The following PAQR3 variants were observed in gnomAD, a reference collection of about 807,000 sequenced individuals.
PAQR3 encodes progestin and adipoQ receptor family member 3.
PAQR3 carries 39 observed loss-of-function variants against 41.7 expected under a neutral mutation model. The observed-to-expected ratio is 0.93, with a 90% confidence interval of 0.72 to 1.22. The LOEUF (loss-of-function observed/expected upper bound fraction) is 1.22. PAQR3 is among the 50% of genes most tolerant of loss of function. The pLI is 0.00. For missense variants in PAQR3, 366 were observed against 385.6 expected (o/e 0.95, Z 0.42); for synonymous variants, 140 against 140.6 (o/e 1.00, Z 0.03).
At chr4:78,888,370 T>A (rs1399855450) in intron 11 of PAQR3, among the ~76,000 whole-genome samples, 4 of 152,214 alleles carry the variant, frequency 2.6e-5, no homozygotes, top group African/African-American at 7.2e-5. Context: ...GGTAATGGAA[T>A]TATTACTGTC....
rs1735447293 is a variant in PAQR3, at chr4:78,919,528, G to A, written c.*1011C>T. The A allele has an allele frequency of 1.0e-6, 1 of 985,042 alleles. No individual in the cohort carries two copies. The highest frequency in any genetic ancestry group is 1.7e-5 in the African/African-American group (1 of 57,180). 61.0% of individuals were successfully genotyped at this position (985,042 alleles called of 1,614,324 possible). On this transcript the variant is annotated 3_prime_UTR_variant, in exon 6 of 6. Coordinates refer to ENST00000512733, the MANE Select transcript of PAQR3 (RefSeq NM_001040202.2). Reference sequence around the variant, plus strand: ...ACACATGCAGAAACCGAGGACCAGAGCACAGGTGAATAAGATTATTATCAA... The same window carrying A: ...ACACATGCAGAAACCGAGGACCAGAACACAGGTGAATAAGATTATTATCAA...
intron 2 of PAQR3, 185 bp from the exon 3 acceptor site, chr4:78,930,510 G>A (rs182967574): frequency 2.3e-6 from 1 of 427,050 alleles, no homozygotes; most frequent in Non-Finnish European, 4.0e-6. Context: ...GTAGAGCCAT[G>A]AGGGAAAGCC....
Position 78,903,639 on chromosome 4 carries a change from T to C in PAQR3, c.*836+2469A>G, listed in dbSNP as rs568383045. Reference sequence around the variant, plus strand: ...TGGATTTTGTAAAGTTGAGTATTCTTTTGTTTGTTGATAAAGCCTTATAGT... The same window carrying C: ...TGGATTTTGTAAAGTTGAGTATTCTCTTGTTTGTTGATAAAGCCTTATAGT... On this transcript the variant is annotated intron_variant and NMD_transcript_variant, in intron 11 of 12. Transcript: ENST00000342820. Among the ~76,000 whole-genome samples, 13 of 152,106 alleles carry C rather than the reference T, an allele frequency of 8.5e-5. No individual in the cohort carries two copies. In the East Asian group the frequency reaches 2.5e-3, roughly 29 times the overall value.
At chr4:78,901,263 G>A (rs966194684) in intron 11 of PAQR3, among the ~76,000 whole-genome samples, 2 of 145,672 alleles carry the variant, frequency 1.4e-5, no homozygotes, top group African/African-American at 5.4e-5. Flanking sequence ...GTCTTACTAT[G>A]TTGCCTAGGC....
In PAQR3 at chr4:78,912,809, A is replaced by T. The variant is rs993076396; in HGVS notation, c.*7730T>A. ...TCGTCGCACAGAAGCCTAGAACAAA[A>T]ATATGAAGAGAAATATCTGACATTT... On this transcript the variant is annotated 3_prime_UTR_variant, in exon 6 of 6. Transcript: ENST00000512733. 7 of 152,192 alleles carry T rather than the reference A, an allele frequency of 4.6e-5. No homozygotes were observed. Among genetic ancestry groups the T allele is most frequent in the Non-Finnish European group, 7.4e-5 (5 of 68,022 alleles). 9.4% of individuals were successfully genotyped at this position (152,192 alleles called of 1,614,324 possible). A position where few individuals can be genotyped will look rare whatever the true frequency, so the allele number is the denominator to read the frequency against.
In PAQR3 at chr4:78,919,088, C is replaced by A. The variant is rs1301681226; in HGVS notation, c.*1451G>T. ...GAATTTATATTCCAAAAACACTACACTGGAAAAGAAACACAACATTTTACT... is the reference window on the plus strand; with the variant it reads ...GAATTTATATTCCAAAAACACTACAATGGAAAAGAAACACAACATTTTACT... On this transcript the variant is annotated 3_prime_UTR_variant, in exon 6 of 6. Coordinates refer to ENST00000512733, the MANE Select transcript of PAQR3 (RefSeq NM_001040202.2). The A allele has an allele frequency of 3.0e-6, 3 of 984,860 alleles. No homozygotes were observed. The highest frequency in any genetic ancestry group is 9.4e-5 in the South Asian group (2 of 21,280). 61.0% of individuals were successfully genotyped at this position (984,860 alleles called of 1,614,324 possible). A position where few individuals can be genotyped will look rare whatever the true frequency, so the allele number is the denominator to read the frequency against.
At chr4:78,909,881 A>C (rs1734490960), downstream of PAQR3, among the ~76,000 whole-genome samples, 1 of 152,226 alleles carries the variant, frequency 6.6e-6, no homozygotes, top group Admixed American at 6.5e-5. Flanking sequence ...TCTTTCGTTG[A>C]ATGAACTCAG....
chr4:78,897,667 A>C (rs986178339), intron 11 of PAQR3, among the ~76,000 whole-genome samples: 1 of 152,148 alleles, frequency 6.6e-6, no homozygotes, highest in Non-Finnish European at 1.5e-5. Flanking sequence ...TTATAGCGCT[A>C]AGTATCCTAC....
In PAQR3 at chr4:78,919,334, T is replaced by C; in HGVS notation, c.*1205A>G. The stretch of plus-strand genomic sequence containing the variant: ...AATGTAAGTTTTTATGAATGTCTAC[T>C]TTAAGGGATTTAACTAATGCATATG... On this transcript the variant is annotated 3_prime_UTR_variant, in exon 6 of 6. Transcript: ENST00000512733. 1 of 983,296 alleles carries C rather than the reference T, an allele frequency of 1.0e-6. No homozygotes were observed. Among genetic ancestry groups the C allele is most frequent in the Non-Finnish European group, 1.2e-6 (1 of 828,108 alleles). 60.9% of individuals were successfully genotyped at this position (983,296 alleles called of 1,614,324 possible). A position where few individuals can be genotyped will look rare whatever the true frequency, so the allele number is the denominator to read the frequency against.
At chr4:78,910,755 G>A (rs367680861), downstream of PAQR3, 22 of 1,613,772 alleles carry the variant, frequency 1.4e-5, no homozygotes, top group African/African-American at 2.7e-4. Context: ...TGCAAAAGGG[G>A]AATGATGAAT....
At chr4:78,898,342 G>T (rs186344079) in intron 11 of PAQR3, among the ~76,000 whole-genome samples, 3 of 151,932 alleles carry the variant, frequency 2.0e-5, no homozygotes, top group African/African-American at 7.2e-5. Context: ...TCCACTGCTG[G>T]GCCATTTTAT....
intron 2 of PAQR3, among the ~76,000 whole-genome samples, chr4:78,931,203 AAAAAAAAAAT>A (rs1238403426): frequency 6.7e-6 from 1 of 150,238 alleles, no homozygotes; most frequent in African/African-American, 2.4e-5. Flanking sequence ...AAAAAAAAAA[AAAAAAAAAAT>A]TGGGCATGGC....
intron 5 of PAQR3, chr4:78,922,119 G>A (rs1735715027): frequency 1.9e-6 from 2 of 1,033,482 alleles, no homozygotes; most frequent in East Asian, 7.7e-5. Flanking sequence ...TATTAATAAA[G>A]TGATACAAAA....
chr4:78,918,834 G>C lies in PAQR3; in HGVS notation c.*1705C>G, dbSNP rs575489059. 1.0e-6 allele frequency: 1 copy of C among 984,226 alleles called. No homozygotes were observed. The highest frequency in any genetic ancestry group is 1.1e-4 in the East Asian group (1 of 8,808). 61.0% of individuals were successfully genotyped at this position (984,226 alleles called of 1,614,324 possible). On this transcript the variant is annotated 3_prime_UTR_variant, in exon 6 of 6. Transcript: ENST00000512733. ...AAAATGACAAAATATCTATTAAAAG[G>C]CAATAAAATCATGTAAGCCAATAAG...
chr4:78,921,010 A>G (rs1333974643), intron 5 of PAQR3, among the ~76,000 whole-genome samples: 1 of 151,606 alleles, frequency 6.6e-6, no homozygotes, highest in Non-Finnish European at 1.5e-5. Context: ...AAAATTATTG[A>G]GAGAGGCAAA....
intron 11 of PAQR3, among the ~76,000 whole-genome samples, chr4:78,893,576 C>G (rs1733552871): frequency 6.6e-6 from 1 of 152,116 alleles, no homozygotes; most frequent in Admixed American, 6.6e-5. Context: ...AATAATAAGA[C>G]TTTTAAAAAT....
chr4:78,911,971 C>G lies in PAQR3; in HGVS notation c.*8568G>C, dbSNP rs755938800. On this transcript the variant is annotated 3_prime_UTR_variant, in exon 6 of 6. Transcript: ENST00000512733. ...GCAAAGCATCACTCCACATCAGTCC[C>G]AACAGTCCCAACCAGTCGAATTAGA... 1 of 1,613,928 alleles carries G rather than the reference C, an allele frequency of 6.2e-7. No homozygotes were observed. The highest frequency in any genetic ancestry group is 8.5e-7 in the Non-Finnish European group (1 of 1,179,846).
rs891217801 is a variant in PAQR3, at chr4:78,915,841, G to A, written c.*4698C>T. On this transcript the variant is annotated 3_prime_UTR_variant, in exon 6 of 6. Coordinates refer to ENST00000512733, the MANE Select transcript of PAQR3 (RefSeq NM_001040202.2). ...TTTTAAAATTTATACTGCTACTTTTGAAAGAATTGTTTTTATGACTATGCT... is the reference window on the plus strand; with the variant it reads ...TTTTAAAATTTATACTGCTACTTTTAAAAGAATTGTTTTTATGACTATGCT... 11 of 151,834 alleles carry A rather than the reference G, an allele frequency of 7.2e-5. No homozygotes were observed. Among genetic ancestry groups the A allele is most frequent in the African/African-American group, 9.7e-5 (4 of 41,400 alleles). The allele number at this position is 151,834 out of a possible 1,614,324, so 9.4% of individuals were successfully genotyped here. A position where few individuals can be genotyped will look rare whatever the true frequency, so the allele number is the denominator to read the frequency against.
At chr4:78,909,055 C>CTTTTTTTT (rs1053664659), downstream of PAQR3, among the ~76,000 whole-genome samples, 13 of 94,410 alleles carry the variant, frequency 1.4e-4, no homozygotes, top group African/African-American at 2.7e-4. Flanking sequence ...TTCCCTTAGT[C>CTTTTTTTT]TTTTTTTTTT....
Sources: allele counts gnomAD v4.1 joint callset (sites outside exome capture counted in the v4.1 genomes callset), GRCh38; gene constraint gnomAD v4.1.1; transcripts MANE v1.5; gene names NCBI Gene and HGNC (gene_info 2026-07-23, HGNC 2026-07-21).